Variants in CTNNA3 observed in about 807,000 individuals in gnomAD.
The protein encoded by CTNNA3 is catenin alpha-3.
Under a neutral mutation model 95.7 loss-of-function variants are expected in CTNNA3, and 76 were observed. That is an observed-to-expected ratio of 0.79 (90% CI 0.66 to 0.96). The LOEUF (loss-of-function observed/expected upper bound fraction) is 0.96, where lower values mean the gene tolerates loss of function less well. CTNNA3 is among the 40% of genes least tolerant of loss of function. CTNNA3 has a pLI of 0.00. For synonymous variants in CTNNA3, 431 were observed against 374.4 expected, an observed-to-expected ratio of 1.15 and a Z score of -1.74; for missense variants, 1,191 against 1,089.8, an observed-to-expected ratio of 1.09 and a Z score of -1.31.
chr10:67,589,281 G>T (rs1023962252), intron 3 of CTNNA3, among the ~76,000 whole-genome samples: 1 of 152,060 alleles, frequency 6.6e-6, no homozygotes, highest in African/African-American at 2.4e-5. Context: ...CATTATTACA[G>T]CTATTTGCAT....
chr10:66,824,340 A>G (rs1842417842), intron 7 of CTNNA3, among the ~76,000 whole-genome samples: 2 of 152,174 alleles, frequency 1.3e-5, no homozygotes, highest in African/African-American at 4.8e-5. Flanking sequence ...ACAGCTAAGC[A>G]TTTTAGCCTC....
chr10:66,361,424 C>G (rs986645253), intron 12 of CTNNA3, among the ~76,000 whole-genome samples: 1 of 149,376 alleles, frequency 6.7e-6, no homozygotes, highest in Non-Finnish European at 1.5e-5. Flanking sequence ...CCTTCCCTTT[C>G]CTTCTTTCTT....
chr10:66,765,881 T>C (rs1302791988), intron 9 of CTNNA3, among the ~76,000 whole-genome samples: 2 of 152,164 alleles, frequency 1.3e-5, no homozygotes, highest in Non-Finnish European at 2.9e-5. Flanking sequence ...TCATGCTACA[T>C]AGTTAAATAT....
At chr10:67,428,557 C>G (rs544374208) in intron 5 of CTNNA3, among the ~76,000 whole-genome samples, 1 of 152,058 alleles carries the variant, frequency 6.6e-6, no homozygotes, top group East Asian at 1.9e-4. Context: ...GAGTTAATTA[C>G]TAAAGTAGTT....
chr10:66,623,416 TC>T (rs1450312777), intron 9 of CTNNA3, among the ~76,000 whole-genome samples: 1 of 151,818 alleles, frequency 6.6e-6, no homozygotes, highest in Non-Finnish European at 1.5e-5. Context: ...TTCTTCTTTT[TC>T]CTTTTGAAAG....
chr10:67,057,977 A>C (rs1451247647), intron 7 of CTNNA3, among the ~76,000 whole-genome samples: 1 of 152,178 alleles, frequency 6.6e-6, no homozygotes, highest in Non-Finnish European at 1.5e-5. Flanking sequence ...AATGATAGGC[A>C]ATCAGCAGGA....
chr10:66,836,259 C>G (rs924399531), intron 7 of CTNNA3, among the ~76,000 whole-genome samples: 1 of 152,146 alleles, frequency 6.6e-6, no homozygotes, highest in African/African-American at 2.4e-5. Context: ...GGACTTGATA[C>G]GTGCAAAACC....
At chr10:66,668,809 C>G (rs933927547) in intron 9 of CTNNA3, among the ~76,000 whole-genome samples, 3 of 151,676 alleles carry the variant, frequency 2.0e-5, no homozygotes, top group African/African-American at 7.3e-5. Flanking sequence ...CAGACCCTGT[C>G]TCAAAAATAA....
At chr10:66,085,219 C>T (rs553039660) in intron 14 of CTNNA3, among the ~76,000 whole-genome samples, 1 of 151,912 alleles carries the variant, frequency 6.6e-6, no homozygotes, top group Admixed American at 6.6e-5. Context: ...TATTTTCATT[C>T]AGGATTATTA....
chr10:67,057,726 C>T (rs1327371224), intron 7 of CTNNA3, among the ~76,000 whole-genome samples: 1 of 152,080 alleles, frequency 6.6e-6, no homozygotes, highest in African/African-American at 2.4e-5. Flanking sequence ...ATTTTACCAC[C>T]ACCACCACGA....
intron 11 of CTNNA3, among the ~76,000 whole-genome samples, chr10:66,396,613 T>C (rs1228765933): frequency 3.9e-5 from 6 of 151,980 alleles, no homozygotes; most frequent in Non-Finnish European, 5.9e-5. Flanking sequence ...CAACAATTCA[T>C]TGGAATAGTT....
At position 66,050,369 on chromosome 10, in the gene CTNNA3, G is replaced by A. The variant is rs150290606; in HGVS notation, c.2159+18939C>T. Among the ~76,000 whole-genome samples the A allele has an allele frequency of 8.4e-4, 125 of 148,924 alleles. 1 individual carries two copies. In the East Asian group the frequency reaches 0.02, roughly 24 times the overall value. On this transcript the variant is annotated intron_variant, in intron 15 of 17. Transcript: ENST00000433211. ...AAAAAATAGCACCAATATTTTTCTC[G>A]ATTATCCATGCACAACACATTAGAG...
chr10:67,524,193 GGAGATC>G (rs1183168062), intron 4 of CTNNA3, among the ~76,000 whole-genome samples: 1 of 152,016 alleles, frequency 6.6e-6, no homozygotes, highest in African/African-American at 2.4e-5. Context: ...CACGAGGTCA[GGAGATC>G]GAGACTATCC....
intron 13 of CTNNA3, among the ~76,000 whole-genome samples, chr10:66,109,868 A>G (rs1395469696): frequency 6.7e-6 from 1 of 150,366 alleles, no homozygotes; most frequent in African/African-American, 2.4e-5. Flanking sequence ...TTAAAGTACA[A>G]AAAAAAAAAA....
At chr10:66,575,860 C>T (rs1842988366) in intron 10 of CTNNA3, among the ~76,000 whole-genome samples, 1 of 152,078 alleles carries the variant, frequency 6.6e-6, no homozygotes, top group Non-Finnish European at 1.5e-5. Context: ...AAAATGGGTG[C>T]CCCGCAAATC....
chr10:66,649,759 C>A (rs1285369797), intron 9 of CTNNA3, among the ~76,000 whole-genome samples: 1 of 152,202 alleles, frequency 6.6e-6, no homozygotes. Flanking sequence ...GGAACAGCCC[C>A]AGTATCAGGC....
intron 9 of CTNNA3, among the ~76,000 whole-genome samples, chr10:66,764,069 G>T (rs1229130952): frequency 1.3e-5 from 2 of 152,136 alleles, no homozygotes; most frequent in African/African-American, 4.8e-5. Flanking sequence ...AAATGAAAGT[G>T]ACTTAGACCA....
intron 3 of CTNNA3, among the ~76,000 whole-genome samples, chr10:67,580,939 C>G (rs1159448283): frequency 6.6e-6 from 1 of 152,130 alleles, no homozygotes; most frequent in Non-Finnish European, 1.5e-5. Flanking sequence ...AGTTGCTTAT[C>G]AGCTTAAGGA....
At chr10:66,303,735 A>AG (rs765291598) in intron 12 of CTNNA3, among the ~76,000 whole-genome samples, 6 of 152,086 alleles carry the variant, frequency 3.9e-5, no homozygotes, top group African/African-American at 7.2e-5. Flanking sequence ...CCCGGGTTCA[A>AG]GCGATTTGCC....
Sources: gnomAD v4.1 joint callset for allele counts (sites outside exome capture counted in the v4.1 genomes callset) on GRCh38, gnomAD v4.1.1 for gene constraint, MANE v1.5 for transcripts, NCBI Gene and HGNC (gene_info 2026-07-23, HGNC 2026-07-21) for gene names.